The following INO80D variants were observed in gnomAD, a reference collection of about 807,000 sequenced individuals.
The protein encoded by INO80D is INO80 complex subunit D.
INO80D carries 21 observed loss-of-function variants against 87.6 expected under a neutral mutation model. The observed-to-expected ratio is 0.24, with a 90% CI of 0.17 to 0.35. The LOEUF (loss-of-function observed/expected upper bound fraction) is 0.35. Ranked by LOEUF, INO80D falls within the 10% of genes least tolerant of loss-of-function variation. INO80D has a pLI of 1.00. For missense variants in INO80D, 982 were observed against 1,280.7 expected, an observed-to-expected ratio of 0.77 and a Z score of 3.56; for synonymous variants, 440 against 491.0, an observed-to-expected ratio of 0.90 and a Z score of 1.37.
intron 4 of INO80D, among the ~76,000 whole-genome samples, chr2:206,047,546 C>T (rs1689229606): frequency 6.6e-6 from 1 of 151,516 alleles, no homozygotes; most frequent in Non-Finnish European, 1.5e-5. Flanking sequence ...ACTTAATACA[C>T]TAAAATGATG....
At chr2:206,048,409 T>A (rs1689257075) in intron 4 of INO80D, among the ~76,000 whole-genome samples, 1 of 152,036 alleles carries the variant, frequency 6.6e-6, no homozygotes, top group Non-Finnish European at 1.5e-5. Context: ...ATCTTTGTAC[T>A]TTTTGTAGAG....
rs1299468783 is a variant in INO80D at position 205,994,369 on chromosome 2, C to T, written c.*9999G>A. ...TGAAAAAGAAGGGCTTTGAGAACCG[C>T]TAGTCCTTGCTACCGTGCAGTTTCT... On this transcript the variant is annotated 3_prime_UTR_variant, in exon 11 of 11. Coordinates refer to ENST00000403263, the MANE Select transcript of INO80D (RefSeq NM_017759.5). 1 of 152,200 alleles carries T rather than the reference C, an allele frequency of 6.6e-6. No individual in the cohort carries two copies. The highest frequency in any genetic ancestry group is 2.4e-5 in the African/African-American group (1 of 41,454). The allele number at this position is 152,200 out of a possible 1,614,324, so 9.4% of individuals were successfully genotyped here. A position where few individuals can be genotyped will look rare whatever the true frequency, so the allele number is the denominator to read the frequency against.
intron 1 of INO80D, among the ~76,000 whole-genome samples, chr2:206,080,728 A>C (rs887855802): frequency 1.3e-5 from 2 of 151,910 alleles, no homozygotes; most frequent in Admixed American, 6.6e-5. Context: ...TAACACGGTG[A>C]AACCCCGTCT....
chr2:206,002,911 A>T lies in INO80D; in HGVS notation c.*1457T>A, dbSNP rs1412881563. 3 of 152,200 alleles carry T rather than the reference A, an allele frequency of 2.0e-5. No homozygotes were observed. The highest frequency in any genetic ancestry group is 4.4e-5 in the Non-Finnish European group (3 of 68,036). The allele number at this position is 152,200 out of a possible 1,614,324, so 9.4% of individuals were successfully genotyped here. A position where few individuals can be genotyped will look rare whatever the true frequency, so the allele number is the denominator to read the frequency against. On this transcript the variant is annotated 3_prime_UTR_variant, in exon 11 of 11. Transcript: ENST00000403263. ...CAGTGAAACTACTCAGCAAAAGCAG[A>T]GTAGAGATGCCTTTAAAATCTAGTT...
intron 4 of INO80D, among the ~76,000 whole-genome samples, chr2:206,053,983 G>A (rs1049495944): frequency 6.6e-6 from 1 of 151,842 alleles, no homozygotes; most frequent in African/African-American, 2.4e-5. Flanking sequence ...GGGATTACAG[G>A]CGCACACCAC....
intron 1 of INO80D, among the ~76,000 whole-genome samples, chr2:206,070,748 G>A (rs1689939968): frequency 6.6e-6 from 1 of 151,830 alleles, no homozygotes. Flanking sequence ...AAGAAAACAT[G>A]TCAATTGGTG....
At chr2:206,025,914 T>C (rs2105829598) in intron 6 of INO80D, among the ~76,000 whole-genome samples, 1 of 152,068 alleles carries the variant, frequency 6.6e-6, no homozygotes, top group African/African-American at 2.4e-5. Flanking sequence ...ATTTTTTTTT[T>C]TGGAAGGCAG....
chr2:206,062,757 T>C lies in INO80D; in HGVS notation c.218+42A>G. 1 of 1,512,150 alleles carries C rather than the reference T, an allele frequency of 6.6e-7. No homozygotes were observed. The highest frequency in any genetic ancestry group is 8.9e-7 in the Non-Finnish European group (1 of 1,117,512). 93.7% of individuals were successfully genotyped at this position (1,512,150 alleles called of 1,614,324 possible). Reference sequence around the variant, plus strand: ...ACAAGAAAAGAAAAAATTCCAAGCCTGTTAATGAAATCAAGGATTGATTCT... The same window carrying C: ...ACAAGAAAAGAAAAAATTCCAAGCCCGTTAATGAAATCAAGGATTGATTCT... On this transcript the variant is annotated intron_variant, in intron 3 of 10. Coordinates refer to ENST00000403263, the MANE Select transcript of INO80D (RefSeq NM_017759.5). The surrounding 1 kb of genome is among the most constrained non-coding windows in gnomAD (Gnocchi z 4.6).
chr2:206,056,958 C>A lies in INO80D; in HGVS notation c.219-15G>T, dbSNP rs761967499. On this transcript the variant is annotated splice_polypyrimidine_tract_variant and intron_variant, in intron 3 of 10. Coordinates refer to ENST00000403263, the MANE Select transcript of INO80D (RefSeq NM_017759.5). ...TGTTGCAGTACCTTTAAAATACACA[C>A]ATACATGGGAAAACAGTCATGATAC... The A allele has an allele frequency of 2.8e-5, 43 of 1,553,606 alleles. No homozygotes were observed. Among genetic ancestry groups the A allele is most frequent in the Non-Finnish European group, 3.2e-5 (37 of 1,148,752 alleles).
rs369001037 is a variant in INO80D at position 206,056,706 on chromosome 2, A to T, written c.456T>A (p.Ala152=). 3 of 1,613,558 alleles carry T rather than the reference A, an allele frequency of 1.9e-6. No individual in the cohort carries two copies. The highest frequency in any genetic ancestry group is 2.5e-6 in the Non-Finnish European group (3 of 1,179,810). The part of the protein sequence containing the change: ...YLETELEDPF[A]FNEEDDDLKK... ...TTAGGTCATCATCTTCCTCATTGAA[A>T]GCAAATGGGTCTTCCAATTCGGTTT... Residue 152 remains alanine (A), a synonymous_variant, in exon 4 of 11, where the codon GCT becomes GCA. Coordinates refer to ENST00000403263, the MANE Select transcript of INO80D (RefSeq NM_017759.5).
rs1297210208 is a variant in INO80D at position 206,086,119 on chromosome 2, G to A, written c.-342C>T. ...TGCTCCCAGGGTCGGTGATTATTAAGGGGAAATCCCTGAATATACTCTCCA... is the reference window on the plus strand; with the variant it reads ...TGCTCCCAGGGTCGGTGATTATTAAAGGGAAATCCCTGAATATACTCTCCA... On this transcript the variant is annotated 5_prime_UTR_variant, in exon 1 of 11. Coordinates refer to ENST00000403263, the MANE Select transcript of INO80D (RefSeq NM_017759.5). 1 of 152,214 alleles carries A rather than the reference G, an allele frequency of 6.6e-6. No individual in the cohort carries two copies. The highest frequency in any genetic ancestry group is 1.5e-5 in the Non-Finnish European group (1 of 68,076). The allele number at this position is 152,214 out of a possible 1,614,324, so 9.4% of individuals were successfully genotyped here.
intron 8 of INO80D, among the ~76,000 whole-genome samples, chr2:206,016,107 T>G (rs1055704096): frequency 6.6e-6 from 1 of 152,114 alleles, no homozygotes; most frequent in Admixed American, 6.5e-5. Flanking sequence ...GCTTGCACCA[T>G]GCACCTGGAA....
At chr2:206,035,796 C>T (rs1229384648) in intron 5 of INO80D, among the ~76,000 whole-genome samples, 1 of 152,182 alleles carries the variant, frequency 6.6e-6, no homozygotes, top group Non-Finnish European at 1.5e-5. Context: ...AGACAACCCA[C>T]AGAGTGGGAG....
At position 206,056,421 on chromosome 2, in the gene INO80D, G is replaced by A. The variant is rs749427793; in HGVS notation, c.741C>T (p.Pro247=). The A allele has an allele frequency of 2.5e-6, 4 of 1,613,930 alleles. No individual in the cohort carries two copies. Among genetic ancestry groups the A allele is most frequent in the Admixed American group, 1.7e-5 (1 of 59,990 alleles). The change falls in exon 4 of 11, where the codon CCC becomes CCT. Residue 247 remains proline (P), a synonymous_variant. Coordinates refer to ENST00000403263, the MANE Select transcript of INO80D (RefSeq NM_017759.5). The part of the protein sequence containing the change: ...NTSLPMQGVA[P]TTHTIAQARQ... ...GTGCTTGTGCTATAGTGTGTGTGGT[G>A]GGTGCCACTCCCTGCATTGGTAGGC...
At chr2:206,045,715 TAA>T (rs1013034554) in intron 5 of INO80D, among the ~76,000 whole-genome samples, 2 of 137,562 alleles carry the variant, frequency 1.5e-5, no homozygotes, top group African/African-American at 2.7e-5. Context: ...AGATCTAGCC[TAA>T]AAAAAAAAAA....
intron 4 of INO80D, among the ~76,000 whole-genome samples, chr2:206,050,481 G>A (rs1189855271): frequency 2.7e-5 from 3 of 112,930 alleles, no homozygotes; most frequent in Non-Finnish European, 5.0e-5. Flanking sequence ...GACAGAGCAG[G>A]ACTCCGTCTC....
At chr2:206,065,666 T>C (rs1689795491) in intron 1 of INO80D, among the ~76,000 whole-genome samples, 1 of 152,046 alleles carries the variant, frequency 6.6e-6, no homozygotes, top group Non-Finnish European at 1.5e-5. Flanking sequence ...CCAGTATATA[T>C]ATAAGAAACA....
intron 4 of INO80D, among the ~76,000 whole-genome samples, chr2:206,050,772 T>A (rs961955517): frequency 6.6e-6 from 1 of 151,720 alleles, no homozygotes; most frequent in East Asian, 2.0e-4. Flanking sequence ...ATTGAGACCA[T>A]CTTGGCTAAC....
In INO80D at chr2:206,007,498, C is replaced by T. The variant is rs553566567; in HGVS notation, c.1761-57G>A. The T allele has an allele frequency of 4.6e-6, 7 of 1,534,274 alleles. No individual in the cohort carries two copies. In the South Asian group the frequency reaches 8.9e-5, roughly 20 times the overall value. On this transcript the variant is annotated intron_variant, in intron 9 of 10. Coordinates refer to ENST00000403263, the MANE Select transcript of INO80D (RefSeq NM_017759.5). ...TCCCCCATTATCTTCACATCAATAC[C>T]ACCAAGCCAAGTTCATTCAACATGA...
Sources: gnomAD v4.1 joint callset for allele counts (sites outside exome capture counted in the v4.1 genomes callset) on GRCh38, gnomAD v4.1.1 for gene constraint, Gnocchi (gnomAD v3.1) non-coding constraint, MANE v1.5 for transcripts, NCBI Gene and HGNC (gene_info 2026-07-23, HGNC 2026-07-21) for gene names.